Variants in ARB2A observed in about 807,000 individuals in gnomAD.
The protein encoded by ARB2A is cotranscriptional regulator ARB2A.
At chr5:93,926,924 G>C in the ARB2A span, among the ~76,000 whole-genome samples, 1 of 151,612 alleles carries the variant, frequency 6.6e-6, no homozygotes, top group Non-Finnish European at 1.5e-5. Flanking sequence ...AACTGAATAG[G>C]ATGTAAGCAA....
the ARB2A span, among the ~76,000 whole-genome samples, chr5:93,892,652 C>G: frequency 1.3e-5 from 2 of 152,094 alleles, no homozygotes; most frequent in Non-Finnish European, 2.9e-5. Flanking sequence ...TTCAACCATA[C>G]TTAGTTGAGT....
chr5:93,620,095 T>C, the ARB2A span: 1 of 152,188 alleles, frequency 6.6e-6, no homozygotes, highest in Non-Finnish European at 1.5e-5. Context: ...TTAAGTGTGT[T>C]ATATCTAAAT....
At chr5:94,054,158 C>T in the ARB2A span, among the ~76,000 whole-genome samples, 1 of 152,160 alleles carries the variant, frequency 6.6e-6, no homozygotes, top group Admixed American at 6.5e-5. Flanking sequence ...CTATTAGTAA[C>T]ATTTTATAAC....
the ARB2A span, among the ~76,000 whole-genome samples, chr5:93,940,656 G>C: frequency 6.6e-6 from 1 of 151,658 alleles, no homozygotes; most frequent in Non-Finnish European, 1.5e-5. Context: ...TCCTATGGAC[G>C]CTATTATTTA....
At chr5:93,965,331 C>T in the ARB2A span, among the ~76,000 whole-genome samples, 8 of 151,882 alleles carry the variant, frequency 5.3e-5, no homozygotes, top group Non-Finnish European at 1.2e-4. Context: ...AAAATGAGAC[C>T]TCAGTCCTAC....
At chr5:94,063,722 C>A in the ARB2A span, among the ~76,000 whole-genome samples, 1 of 152,152 alleles carries the variant, frequency 6.6e-6, no homozygotes, top group Non-Finnish European at 1.5e-5. Context: ...CAACTGCACT[C>A]TAAGCCACTG....
chr5:93,844,032 T>A, the ARB2A span, among the ~76,000 whole-genome samples: 1 of 151,456 alleles, frequency 6.6e-6, no homozygotes, highest in African/African-American at 2.4e-5. Context: ...ATACTACAAG[T>A]TTTAAGAAAG....
chr5:93,890,001 T>C, the ARB2A span, among the ~76,000 whole-genome samples: 1 of 151,954 alleles, frequency 6.6e-6, no homozygotes, highest in Non-Finnish European at 1.5e-5. Flanking sequence ...TTACACTTCT[T>C]AAAATTGTAT....
chr5:94,061,833 A>G, the ARB2A span, among the ~76,000 whole-genome samples: 1 of 152,232 alleles, frequency 6.6e-6, no homozygotes, highest in African/African-American at 2.4e-5. Flanking sequence ...GGATTAGAAG[A>G]CTCAATATTA....
At chr5:93,626,018 C>T in the ARB2A span, among the ~76,000 whole-genome samples, 8 of 152,170 alleles carry the variant, frequency 5.3e-5, no homozygotes, top group South Asian at 2.1e-4. Flanking sequence ...AGTATTTTTG[C>T]GGGGGCAGGG....
chr5:93,700,106 G>C, the ARB2A span, among the ~76,000 whole-genome samples: 2 of 152,062 alleles, frequency 1.3e-5, no homozygotes, highest in Non-Finnish European at 2.9e-5. Flanking sequence ...GAAACAGCAG[G>C]CTTGGGAATT....
the ARB2A span, chr5:93,805,126 T>C: frequency 2.0e-5 from 20 of 980,988 alleles, no homozygotes; most frequent in Non-Finnish European, 2.3e-5. Flanking sequence ...GATTCAAATA[T>C]GTTATAATAC....
chr5:93,917,515 A>T, the ARB2A span, among the ~76,000 whole-genome samples: 3 of 152,168 alleles, frequency 2.0e-5, no homozygotes, highest in Non-Finnish European at 4.4e-5. Context: ...AAATGTTTGC[A>T]TGATTGTTAT....
At chr5:94,103,424 G>T in the ARB2A span, among the ~76,000 whole-genome samples, 1 of 151,844 alleles carries the variant, frequency 6.6e-6, no homozygotes, top group South Asian at 2.1e-4. Context: ...ACTAAGAAGG[G>T]CATTAAATAA....
At chr5:93,681,705 C>G in the ARB2A span, among the ~76,000 whole-genome samples, 1 of 152,122 alleles carries the variant, frequency 6.6e-6, no homozygotes, top group African/African-American at 2.4e-5. Context: ...TGCATAAGTT[C>G]ACCGAGGCCA....
At chr5:93,828,662 C>T in the ARB2A span, among the ~76,000 whole-genome samples, 54 of 152,314 alleles carry the variant, frequency 3.5e-4, no homozygotes, top group African/African-American at 1.2e-3. Context: ...TTTAATTCTG[C>T]AGTGAGAATA....
the ARB2A span, among the ~76,000 whole-genome samples, chr5:93,789,210 T>G: frequency 5.9e-5 from 9 of 152,238 alleles, no homozygotes; most frequent in Admixed American, 1.3e-4. Flanking sequence ...GGTTACAGCA[T>G]GTGAATTACT....
chr5:93,868,048 G>GGT, the ARB2A span, among the ~76,000 whole-genome samples: 2 of 152,184 alleles, frequency 1.3e-5, no homozygotes, highest in Non-Finnish European at 2.9e-5. Context: ...TGCTGGGCAT[G>GGT]GTGGCTCACA....
chr5:93,975,366 C>G, the ARB2A span, among the ~76,000 whole-genome samples: 1 of 149,672 alleles, frequency 6.7e-6, no homozygotes, highest in Non-Finnish European at 1.5e-5. Context: ...AATTAACAAC[C>G]TATCCTTGCA....
Sources: allele counts gnomAD v4.1 joint callset (sites outside exome capture counted in the v4.1 genomes callset), GRCh38; gene constraint gnomAD v4.1.1; transcripts MANE v1.5; gene names NCBI Gene and HGNC (gene_info 2026-07-23, HGNC 2026-07-21).